Variants in PTPRD observed in about 807,000 individuals in gnomAD.
PTPRD encodes the protein protein tyrosine phosphatase receptor type D, also known as receptor-type tyrosine-protein phosphatase delta.
PTPRD carries 34 observed loss-of-function variants against 214.5 expected under a neutral mutation model. The observed-to-expected ratio is 0.16, with a 90% CI of 0.12 to 0.21. The LOEUF is 0.21. Ranked by LOEUF, PTPRD falls within the 10% of genes least tolerant of loss-of-function variation. PTPRD has a pLI of 1.00. For missense variants in PTPRD, 2,545 were observed against 2,398.7 expected, an observed-to-expected ratio of 1.06 and a Z score of -1.27; for synonymous variants, 1,128 against 845.7, an observed-to-expected ratio of 1.33 and a Z score of -5.79.
rs2154320966 is a variant in PTPRD at position 8,633,465 on chromosome 9, G to A, written c.211-7C>T. The A allele has an allele frequency of 6.2e-7, 1 of 1,610,314 alleles. No homozygotes were observed. The highest frequency in any genetic ancestry group is 8.5e-7 in the Non-Finnish European group (1 of 1,177,964). ...CATCGTCAAACTCTATTACCTATTA[G>A]AGGAAACAATAGCTGTCACAGGTGT... On this transcript the variant is annotated splice_region_variant and splice_polypyrimidine_tract_variant and intron_variant, in intron 13 of 45. Coordinates refer to ENST00000381196, the MANE Select transcript of PTPRD (RefSeq NM_002839.4).
At chr9:8,376,460 G>A (rs2083277336) in intron 38 of PTPRD, 147 bp downstream of exon 38, 1 of 1,179,784 alleles carries the variant, frequency 8.5e-7, no homozygotes, top group South Asian at 1.5e-5. Flanking sequence ...AAAAATGGCT[G>A]AGTGATAATG....
chr9:8,525,258 A>T, intron 17 of PTPRD: 1 of 662,506 alleles, frequency 1.5e-6, no homozygotes, highest in South Asian at 1.7e-5. Flanking sequence ...TTAGAAATCA[A>T]TATCTCTTTT....
intron 14 of PTPRD, among the ~76,000 whole-genome samples, chr9:8,590,045 G>A (rs1004544739): frequency 2.0e-5 from 3 of 151,998 alleles, no homozygotes; most frequent in East Asian, 1.9e-4. Flanking sequence ...CAATGTTCAC[G>A]AGGTTCCAAG....
At chr9:8,579,956 T>C (rs1011763077) in intron 14 of PTPRD, among the ~76,000 whole-genome samples, 2 of 152,170 alleles carry the variant, frequency 1.3e-5, no homozygotes, top group African/African-American at 2.4e-5. Flanking sequence ...TGAAACAGGA[T>C]AGTGGCATGA....
Position 10,008,964 on chromosome 9 carries a change from A to G in PTPRD, c.-472+24754T>C, listed in dbSNP as rs1015977851. On this transcript the variant is annotated intron_variant, in intron 4 of 45. Transcript: ENST00000381196. The stretch of plus-strand genomic sequence containing the variant: ...ATTAGTTAATGGAAAATAACAAATG[A>G]TTGGATTTTATTTTTTCCCTTTTTT... 4.0e-5 allele frequency among the ~76,000 whole-genome samples: 6 copies of G among 151,328 alleles called. No individual in the cohort carries two copies. In the East Asian group the frequency reaches 1.2e-3, roughly 29 times the overall value.
chr9:10,279,881 C>T (rs1411902817), intron 3 of PTPRD, among the ~76,000 whole-genome samples: 1 of 151,326 alleles, frequency 6.6e-6, no homozygotes, highest in African/African-American at 2.4e-5. Context: ...ATTTGTTATC[C>T]TCATTTATAT....
intron 35 of PTPRD, among the ~76,000 whole-genome samples, chr9:8,434,172 G>A (rs562469356): frequency 6.6e-6 from 1 of 152,258 alleles, no homozygotes; most frequent in East Asian, 1.9e-4. Context: ...AGTAGAGACG[G>A]GGTTTCACCA....
intron 3 of PTPRD, among the ~76,000 whole-genome samples, chr9:10,227,381 G>C (rs1477404167): frequency 6.6e-6 from 1 of 151,852 alleles, no homozygotes. Flanking sequence ...ACAAATCAAT[G>C]GTCAGGTGTT....
At chr9:9,785,509 A>T (rs561960417) in intron 5 of PTPRD, among the ~76,000 whole-genome samples, 1 of 152,094 alleles carries the variant, frequency 6.6e-6, no homozygotes, top group Admixed American at 6.5e-5. Flanking sequence ...TCATTCATAA[A>T]TATTACATAA....
At chr9:9,201,893 A>G (rs913359258) in intron 9 of PTPRD, among the ~76,000 whole-genome samples, 6 of 152,244 alleles carry the variant, frequency 3.9e-5, no homozygotes, top group African/African-American at 1.2e-4. Context: ...CACAGCAAAA[A>G]GCCCATAGTG....
intron 2 of PTPRD, among the ~76,000 whole-genome samples, chr9:10,347,456 G>C (rs1402152382): frequency 1.3e-5 from 2 of 148,688 alleles, no homozygotes; most frequent in Non-Finnish European, 3.0e-5. Flanking sequence ...TATTGCCCAG[G>C]CTGGAGTGCA....
intron 9 of PTPRD, among the ~76,000 whole-genome samples, chr9:9,375,298 C>G (rs890322635): frequency 6.6e-6 from 1 of 152,004 alleles, no homozygotes; most frequent in Non-Finnish European, 1.5e-5. Flanking sequence ...ATGATTCTGC[C>G]TTAAAAAAGA....
intron 11 of PTPRD, among the ~76,000 whole-genome samples, chr9:8,987,911 T>C (rs1360771586): frequency 2.6e-5 from 4 of 152,068 alleles, no homozygotes; most frequent in Non-Finnish European, 5.9e-5. Flanking sequence ...GTTAAAGCTA[T>C]AAGGCTGAAT....
intron 10 of PTPRD, among the ~76,000 whole-genome samples, chr9:9,123,058 G>C (rs1202874042): frequency 2.6e-4 from 40 of 152,146 alleles, no homozygotes. Flanking sequence ...GATATCTTTG[G>C]ACAGAAGGAG....
At chr9:8,708,502 C>T (rs1200215607) in intron 12 of PTPRD, among the ~76,000 whole-genome samples, 5 of 151,232 alleles carry the variant, frequency 3.3e-5, no homozygotes, top group Non-Finnish European at 7.4e-5. Context: ...GGTGAAACCC[C>T]GTCTCTACCA....
At chr9:8,588,077 G>A (rs1481782431) in intron 14 of PTPRD, among the ~76,000 whole-genome samples, 1 of 152,212 alleles carries the variant, frequency 6.6e-6, no homozygotes, top group Admixed American at 6.5e-5. Context: ...CCTATATGGT[G>A]TAATTGGTTT....
intron 2 of PTPRD, among the ~76,000 whole-genome samples, chr9:10,407,265 G>C (rs2098378729): frequency 6.6e-6 from 1 of 151,386 alleles, no homozygotes. Flanking sequence ...CTTAGGCTAT[G>C]GATTTAAAAT....
chr9:8,415,226 T>C (rs866081730), intron 35 of PTPRD, among the ~76,000 whole-genome samples: 1 of 152,176 alleles, frequency 6.6e-6, no homozygotes, highest in Non-Finnish European at 1.5e-5. Flanking sequence ...AAGCAGAGAA[T>C]GTGTTTCTCA....
intron 12 of PTPRD, among the ~76,000 whole-genome samples, chr9:8,645,560 G>C (rs533474927): frequency 6.6e-6 from 1 of 152,074 alleles, no homozygotes; most frequent in Non-Finnish European, 1.5e-5. Context: ...CCATTTGGTA[G>C]ATAGATATCT....
Sources: allele counts gnomAD v4.1 joint callset (sites outside exome capture counted in the v4.1 genomes callset), GRCh38; gene constraint gnomAD v4.1.1; transcripts MANE v1.5; gene names NCBI Gene and HGNC (gene_info 2026-07-23, HGNC 2026-07-21).